Variants in EHBP1 observed in about 807,000 individuals in gnomAD.
EHBP1 encodes the protein EH domain binding protein 1, also known as EH domain-binding protein 1.
A neutral mutation model predicts 144.0 loss-of-function variants in EHBP1; 55 were observed. That is an observed-to-expected ratio of 0.38 (90% confidence interval 0.31 to 0.48). EHBP1 has a LOEUF of 0.48. Among genes scored for constraint, EHBP1 ranks in the 20% least tolerant of loss-of-function variants. The pLI, the probability that EHBP1 is intolerant of heterozygous loss-of-function variation, is 0.98. For missense variants in EHBP1, 1,200 were observed against 1,364.2 expected (o/e 0.88, Z 1.90); for synonymous variants, 469 against 472.7 (o/e 0.99, Z 0.10).
chr2:62,964,915 G>A (rs747676328), intron 14 of EHBP1: 6 of 152,592 alleles, frequency 3.9e-5, no homozygotes, highest in Non-Finnish European at 8.8e-5. Flanking sequence ...AAACCACAAC[G>A]ACTTGATTTT....
intron 9 of EHBP1, among the ~76,000 whole-genome samples, chr2:62,870,738 C>CATACATATATATATATATATATAT (rs1558828727): frequency 2.2e-5 from 3 of 139,098 alleles, no homozygotes; most frequent in African/African-American, 8.1e-5. Context: ...AAAAAAAATA[C>CATACATATATATATATATATATAT]ATATATATAT....
At chr2:62,935,941 C>G (rs1354813350) in intron 10 of EHBP1, among the ~76,000 whole-genome samples, 2 of 152,060 alleles carry the variant, frequency 1.3e-5, no homozygotes, top group Non-Finnish European at 2.9e-5. Context: ...GTCAAGTTAC[C>G]TCAATAGATA....
intron 5 of EHBP1, among the ~76,000 whole-genome samples, chr2:62,772,801 A>G (rs1011216286): frequency 6.6e-6 from 1 of 152,240 alleles, no homozygotes; most frequent in African/African-American, 2.4e-5. Flanking sequence ...TTTGTGTAAT[A>G]TTCTTCCTTT....
chr2:63,045,223 G>A lies in EHBP1; in HGVS notation c.3392+43G>A, dbSNP rs768017316. ...TCGGGTCGAGGCTGGGCCACCTGCC[G>A]AGGGGCCGAGAAGTGTGCGGAAAGT... On this transcript the variant is annotated intron_variant, in intron 22 of 22. Transcript: ENST00000431489. The surrounding 1 kb of genome is among the most constrained non-coding windows in gnomAD (Gnocchi z 5.7). 2 of 1,520,328 alleles carry A rather than the reference G, an allele frequency of 1.3e-6. No homozygotes were observed. The highest frequency in any genetic ancestry group is 1.4e-5 in the African/African-American group (1 of 72,630). The allele number at this position is 1,520,328 out of a possible 1,614,324, so 94.2% of individuals were successfully genotyped here.
Position 62,696,009 on chromosome 2 carries a change from A to G in EHBP1, c.-295-10888A>G, listed in dbSNP as rs147939448. Among the ~76,000 whole-genome samples, 565 of 152,240 alleles carry G rather than the reference A, an allele frequency of 3.7e-3. 3 individuals are homozygous for G. Among genetic ancestry groups the G allele is most frequent in the African/African-American group, 0.013 (529 of 41,534 alleles). On this transcript the variant is annotated intron_variant, in intron 1 of 22. Transcript: ENST00000405015. ...ATTACAGGCATGAGCCACCATGACC[A>G]GCCTAATCATTATTTTTTATTGTAA...
chr2:62,859,759 A>G (rs1162741883), intron 8 of EHBP1, among the ~76,000 whole-genome samples: 1 of 152,150 alleles, frequency 6.6e-6, no homozygotes, highest in Non-Finnish European at 1.5e-5. Flanking sequence ...CTGCTATTAT[A>G]TATATATATA....
chr2:62,876,890 T>C (rs77788950), intron 10 of EHBP1, among the ~76,000 whole-genome samples: 15,678 of 152,216 alleles, frequency 0.1, 998 homozygotes, highest in Non-Finnish European at 0.14. Context: ...TGGGTGGAGA[T>C]ACAGAGACAA....
At chr2:62,919,291 C>G (rs1463139423) in intron 10 of EHBP1, among the ~76,000 whole-genome samples, 6 of 152,172 alleles carry the variant, frequency 3.9e-5, no homozygotes, top group East Asian at 3.8e-4. Flanking sequence ...GGGCAAGCAC[C>G]TTTTGTTTTT....
At chr2:62,867,848 G>GT (rs1322421794) in intron 9 of EHBP1, among the ~76,000 whole-genome samples, 57 of 152,314 alleles carry the variant, frequency 3.7e-4, no homozygotes, top group African/African-American at 1.2e-3. Context: ...CTAATAGACT[G>GT]TAGGTGACTG....
chr2:62,976,287 A>C (rs778241979), intron 14 of EHBP1, among the ~76,000 whole-genome samples: 5 of 152,094 alleles, frequency 3.3e-5, no homozygotes, highest in Non-Finnish European at 7.4e-5. Flanking sequence ...ACCTACCCCC[A>C]TTAATTTTGA....
chr2:62,834,292 A>G (rs1320566551), intron 7 of EHBP1, among the ~76,000 whole-genome samples: 1 of 152,236 alleles, frequency 6.6e-6, no homozygotes, highest in Non-Finnish European at 1.5e-5. Flanking sequence ...GTAAAATGTC[A>G]AACAGCATTG....
At chr2:62,703,950 T>G (rs565063925), upstream of EHBP1, among the ~76,000 whole-genome samples, 24 of 152,238 alleles carry the variant, frequency 1.6e-4, no homozygotes, top group Non-Finnish European at 3.2e-4. Flanking sequence ...GCAAAAACCT[T>G]CTGATCATCA....
At chr2:62,756,379 T>C (rs903966239) in intron 3 of EHBP1, among the ~76,000 whole-genome samples, 69 of 152,368 alleles carry the variant, frequency 4.5e-4, no homozygotes, top group African/African-American at 1.6e-3. Flanking sequence ...TTAAAATCTT[T>C]CCTGAATACG....
chr2:62,849,229 A>T (rs935547128), intron 7 of EHBP1, among the ~76,000 whole-genome samples: 1 of 152,032 alleles, frequency 6.6e-6, no homozygotes, highest in Non-Finnish European at 1.5e-5. Flanking sequence ...ACCAGCTGTC[A>T]TGTAAAAAGT....
chr2:62,856,426 C>G (rs757656587), intron 7 of EHBP1, among the ~76,000 whole-genome samples: 2 of 152,226 alleles, frequency 1.3e-5, no homozygotes, highest in Non-Finnish European at 2.9e-5. Flanking sequence ...TTGCAGAGAG[C>G]TGGTGCCTAT....
At chr2:63,012,335 A>G (rs1460072371) in intron 19 of EHBP1, among the ~76,000 whole-genome samples, 3 of 152,056 alleles carry the variant, frequency 2.0e-5, no homozygotes, top group Non-Finnish European at 4.4e-5. Context: ...TTATTCATAT[A>G]CTATATCTCA....
At chr2:62,779,553 C>G (rs902814732) in intron 5 of EHBP1, among the ~76,000 whole-genome samples, 2 of 152,096 alleles carry the variant, frequency 1.3e-5, no homozygotes, top group Non-Finnish European at 2.9e-5. Flanking sequence ...ACAGCACTAA[C>G]CAGAATACAT....
intron 7 of EHBP1, among the ~76,000 whole-genome samples, chr2:62,835,784 C>G (rs1009605187): frequency 1.3e-5 from 2 of 152,130 alleles, no homozygotes; most frequent in African/African-American, 2.4e-5. Context: ...CTTTTCAGAC[C>G]GGCTTAAAAA....
At chr2:62,973,379 G>A (rs1201855106) in intron 14 of EHBP1, among the ~76,000 whole-genome samples, 1 of 152,152 alleles carries the variant, frequency 6.6e-6, no homozygotes, top group Non-Finnish European at 1.5e-5. Context: ...TTTGGAAGAT[G>A]AAAGTTTAGT....
Sources: gnomAD v4.1 joint callset for allele counts (sites outside exome capture counted in the v4.1 genomes callset) on GRCh38, gnomAD v4.1.1 for gene constraint, Gnocchi (gnomAD v3.1) non-coding constraint, MANE v1.5 for transcripts, NCBI Gene and HGNC (gene_info 2026-07-23, HGNC 2026-07-21) for gene names.